OCA2: variants seen among roughly 807,000 people sequenced by gnomAD.
The protein encoded by OCA2 is P protein.
OCA2 carries 77 observed loss-of-function variants against 100.2 expected under a neutral mutation model. The ratio of observed to expected loss-of-function variants is 0.77; its 90% CI spans 0.64 to 0.93. OCA2 has a LOEUF of 0.93. Among genes scored for constraint, OCA2 ranks in the 40% least tolerant of loss-of-function variants. OCA2 has a pLI of 0.00. For synonymous variants in OCA2, 432 were observed against 439.2 expected (o/e 0.98, Z 0.21); for missense variants, 1,062 against 1,089.1 (o/e 0.98, Z 0.35).
intron 23 of OCA2, among the ~76,000 whole-genome samples, chr15:27,844,419 T>C (rs17651375): frequency 0.081 from 12,304 of 152,274 alleles, 572 homozygotes; most frequent in African/African-American, 0.12. Flanking sequence ...ACACGAAATA[T>C]CTGGCAAGCC....
chr15:28,050,586 A>G (rs1411156748), intron 2 of OCA2, among the ~76,000 whole-genome samples: 1 of 146,690 alleles, frequency 6.8e-6, no homozygotes, highest in Non-Finnish European at 1.5e-5. Flanking sequence ...AAAAAAAAAG[A>G]CCAGTGCCCT....
intron 16 of OCA2, among the ~76,000 whole-genome samples, chr15:27,956,972 TG>T (rs2040243217): frequency 6.6e-6 from 1 of 152,186 alleles, no homozygotes; most frequent in African/African-American, 2.4e-5. Context: ...AGCTCAGCTG[TG>T]GGGACGCTTC....
chr15:27,925,197 T>C (rs1030341225), intron 19 of OCA2, among the ~76,000 whole-genome samples: 1 of 152,092 alleles, frequency 6.6e-6, no homozygotes, highest in African/African-American at 2.4e-5. Context: ...AGAATATCAC[T>C]AATAATGTGC....
intron 13 of OCA2, 106 bp from the exon 14 acceptor site, chr15:27,983,589 G>A (rs976939580): frequency 5.5e-5 from 62 of 1,127,762 alleles, no homozygotes; most frequent in Non-Finnish European, 7.4e-5. Context: ...AGGGAGGCGC[G>A]CACACACACA....
At chr15:27,881,071 G>A (rs1034072480) in intron 19 of OCA2, among the ~76,000 whole-genome samples, 3 of 152,104 alleles carry the variant, frequency 2.0e-5, no homozygotes, top group African/African-American at 7.2e-5. Context: ...TAACATGAAA[G>A]GACGTTGAAT....
chr15:27,989,846 G>C (rs1310988689), intron 10 of OCA2, among the ~76,000 whole-genome samples, 180 bp from the exon 11 acceptor site: 2 of 152,124 alleles, frequency 1.3e-5, no homozygotes, highest in Non-Finnish European at 2.9e-5. Flanking sequence ...CTTGACCCAG[G>C]GCATCTATAA....
In OCA2 at chr15:27,890,179, G is replaced by A. The variant is rs185297683; in HGVS notation, c.2080-18257C>T. 3.4e-3 allele frequency among the ~76,000 whole-genome samples: 525 copies of A among 152,354 alleles called. 2 individuals are homozygous for A. The highest frequency in any genetic ancestry group is 0.012 in the African/African-American group (503 of 41,586). On this transcript the variant is annotated intron_variant, in intron 19 of 23. Transcript: ENST00000354638. ...GAAAATATATTTTTTTAAAAGGGCA[G>A]AGGTGGAATGGAGCCTCAGGGAACT...
At chr15:27,976,908 G>T (rs2040985622) in intron 14 of OCA2, among the ~76,000 whole-genome samples, 1 of 141,094 alleles carries the variant, frequency 7.1e-6, no homozygotes, top group African/African-American at 2.5e-5. Flanking sequence ...GTTCTTTGTG[G>T]GAAGGTTTTT....
intron 2 of OCA2, among the ~76,000 whole-genome samples, chr15:28,058,837 G>C (rs2043785212): frequency 6.6e-6 from 1 of 152,198 alleles, no homozygotes; most frequent in African/African-American, 2.4e-5. Context: ...GCCCAGTCCA[G>C]GGGGCAGGTG....
At position 28,081,711 on chromosome 15, in the gene OCA2, G is replaced by GC; in HGVS notation, c.163dup (p.Ala55GlyfsTer36). The GC allele has an allele frequency of 6.8e-6, 11 of 1,613,778 alleles. No homozygotes were observed. Among genetic ancestry groups the GC allele is most frequent in the Non-Finnish European group, 9.3e-6 (11 of 1,179,932 alleles). ...AGGAGCCCAAGAGCTCTGCCCGGCA[G>GC]CCCCCCTGGGGCAGGAGTGCGAGGG... On this transcript the variant is annotated frameshift_variant, in exon 2 of 24. Transcript: ENST00000354638. LOFTEE classifies it high-confidence loss of function.
At chr15:28,083,706 T>A (rs930377580) in intron 1 of OCA2, among the ~76,000 whole-genome samples, 1 of 151,778 alleles carries the variant, frequency 6.6e-6, no homozygotes, top group Non-Finnish European at 1.5e-5. Flanking sequence ...AATAATGACA[T>A]TAAATACCAA....
intron 9 of OCA2, among the ~76,000 whole-genome samples, chr15:28,013,325 A>G (rs1050010263): frequency 1.3e-5 from 2 of 152,178 alleles, no homozygotes; most frequent in African/African-American, 2.4e-5. Flanking sequence ...ATGGTGGCGC[A>G]GTAAAGATTT....
intron 9 of OCA2, among the ~76,000 whole-genome samples, chr15:27,998,970 G>C (rs943247618): frequency 2.0e-5 from 3 of 151,624 alleles, no homozygotes; most frequent in Non-Finnish European, 4.4e-5. Flanking sequence ...AACACCGCAT[G>C]TTCTCACTCG....
chr15:27,883,728 G>A (rs950796549), intron 19 of OCA2, among the ~76,000 whole-genome samples: 3 of 152,206 alleles, frequency 2.0e-5, no homozygotes, highest in Non-Finnish European at 4.4e-5. Context: ...TATCTCAGAA[G>A]TCAGGTAGAC....
intron 19 of OCA2, among the ~76,000 whole-genome samples, chr15:27,902,842 A>C (rs1444957548): frequency 6.6e-6 from 1 of 152,234 alleles, no homozygotes; most frequent in Non-Finnish European, 1.5e-5. Flanking sequence ...AGAGGGACAG[A>C]GTCAGAGTGT....
At chr15:27,779,026 G>C (rs1237283510) in intron 23 of OCA2, among the ~76,000 whole-genome samples, 2 of 152,194 alleles carry the variant, frequency 1.3e-5, no homozygotes, top group African/African-American at 4.8e-5. Flanking sequence ...GCTCTAGAGA[G>C]ATGAGACAGA....
At chr15:27,805,210 A>G (rs1266494940) in intron 23 of OCA2, among the ~76,000 whole-genome samples, 1 of 152,244 alleles carries the variant, frequency 6.6e-6, no homozygotes, top group Non-Finnish European at 1.5e-5. Context: ...GGCCTGGAGC[A>G]GGTGAAAGGT....
intron 14 of OCA2, among the ~76,000 whole-genome samples, chr15:27,969,237 A>C (rs1034292073): frequency 6.6e-6 from 1 of 152,170 alleles, no homozygotes; most frequent in Non-Finnish European, 1.5e-5. Context: ...AAAGAAAAAA[A>C]AAAAAGTAAG....
At chr15:28,067,712 T>G (rs553226360) in intron 2 of OCA2, among the ~76,000 whole-genome samples, 2 of 152,320 alleles carry the variant, frequency 1.3e-5, no homozygotes, top group African/African-American at 4.8e-5. Context: ...CTTGGTATTA[T>G]TTCGATTTCT....
Sources: allele counts gnomAD v4.1 joint callset (sites outside exome capture counted in the v4.1 genomes callset), GRCh38; gene constraint gnomAD v4.1.1; transcripts MANE v1.5; gene names NCBI Gene and HGNC (gene_info 2026-07-23, HGNC 2026-07-21).